Variants in PCDHGB1 observed in about 807,000 individuals in gnomAD.
The protein encoded by PCDHGB1 is protocadherin gamma subfamily B, 1, also known as protocadherin gamma-B1.
A neutral mutation model predicts 56.6 loss-of-function variants in PCDHGB1; 34 were observed. The observed-to-expected ratio is 0.60, with a 90% CI of 0.46 to 0.80. The LOEUF is 0.80. PCDHGB1 is among the 30% of genes least tolerant of loss of function. The pLI is 0.00. For synonymous variants in PCDHGB1, 561 were observed against 505.9 expected (o/e 1.11, Z -1.46); for missense variants, 1,278 against 1,204.6 (o/e 1.06, Z -0.90).
chr5:141,455,529 G>A (rs2098825323), intron 1 of PCDHGB1, among the ~76,000 whole-genome samples: 1 of 152,146 alleles, frequency 6.6e-6, no homozygotes, highest in Non-Finnish European at 1.5e-5. Flanking sequence ...GGTTTGACCA[G>A]GCATATCATT....
At chr5:141,392,877 A>G in intron 1 of PCDHGB1, 2 of 1,613,506 alleles carry the variant, frequency 1.2e-6, no homozygotes, top group Non-Finnish European at 1.7e-6. Context: ...GCTGCTGGGA[A>G]CGCTGTGGGA....
chr5:141,422,304 A>C (rs1265775894), intron 1 of PCDHGB1: 2 of 1,548,406 alleles, frequency 1.3e-6, no homozygotes. Context: ...CAATTCTGGA[A>C]AACTCTCCTC....
Position 141,351,793 on chromosome 5 carries a change from C to A in PCDHGB1, c.1533C>A (p.Phe511Leu), listed in dbSNP as rs773058323. ...TGAGCCCGCAGAGCGGGGTGGTGTT[C>A]GCGCAGCGCGCCTTCGACCACGAGC... ...VSVSPQSGVV[F>L]AQRAFDHEQL... Residue 511 changes from phenylalanine (F) to leucine (L), a missense_variant, in exon 1 of 4, where the codon TTC becomes TTA. Physicochemically the swap from Phe to Leu is conservative, Grantham distance 22 (BLOSUM62 0). Coordinates refer to ENST00000523390, the MANE Select transcript of PCDHGB1 (RefSeq NM_018922.3). 1.2e-6 allele frequency: 2 copies of A among 1,613,378 alleles called. No individual in the cohort carries two copies. The highest frequency in any genetic ancestry group is 1.7e-5 in the Admixed American group (1 of 60,026).
intron 1 of PCDHGB1, chr5:141,392,593 C>T (rs986653235): frequency 1.0e-5 from 5 of 494,076 alleles, no homozygotes; most frequent in Admixed American, 7.6e-5. Flanking sequence ...CCGCTGTTCA[C>T]CTACTGGAAG....
At chr5:141,411,319 C>T (rs532552346) in intron 1 of PCDHGB1, 1 of 152,262 alleles carries the variant, frequency 6.6e-6, no homozygotes, top group South Asian at 2.1e-4. Flanking sequence ...CCTATAATCA[C>T]AGCACTTTGA....
chr5:141,456,835 C>T (rs1261094365), intron 1 of PCDHGB1, among the ~76,000 whole-genome samples: 3 of 152,000 alleles, frequency 2.0e-5, no homozygotes, highest in African/African-American at 4.8e-5. Flanking sequence ...TGGTAGTGGG[C>T]GCCTGTAATC....
intron 1 of PCDHGB1, chr5:141,372,079 T>C: frequency 6.2e-7 from 1 of 1,613,698 alleles, no homozygotes; most frequent in East Asian, 2.2e-5. Flanking sequence ...GCACCGCTGG[T>C]GCTGTACCCA....
At chr5:141,371,184 G>C in intron 1 of PCDHGB1, 1 of 1,614,032 alleles carries the variant, frequency 6.2e-7, no homozygotes, top group Non-Finnish European at 8.5e-7. Context: ...CGTATTAAAA[G>C]TGATGGCCAT....
intron 1 of PCDHGB1, chr5:141,376,308 G>T (rs766557828): frequency 6.2e-7 from 1 of 1,614,208 alleles, no homozygotes; most frequent in South Asian, 1.1e-5. Context: ...CACTTTGTGG[G>T]CGTGGAAGGG....
At chr5:141,500,723 G>A (rs6875791) in intron 2 of PCDHGB1, among the ~76,000 whole-genome samples, 4,890 of 152,100 alleles carry the variant, frequency 0.032, 255 homozygotes, top group African/African-American at 0.11. Flanking sequence ...ATTTCCCCAT[G>A]TCTTTCAAAA....
chr5:141,384,283 G>A (rs762515266), intron 1 of PCDHGB1: 1 of 1,613,762 alleles, frequency 6.2e-7, no homozygotes. Context: ...AGTCTACATC[G>A]CTGAGAACAA....
intron 1 of PCDHGB1, chr5:141,408,940 A>G: frequency 1.2e-6 from 2 of 1,613,658 alleles, no homozygotes; most frequent in Non-Finnish European, 1.7e-6. Context: ...GCAGAGACGA[A>G]TATAGAATTA....
chr5:141,353,671 A>T (rs1759350441), intron 1 of PCDHGB1, among the ~76,000 whole-genome samples: 1 of 152,202 alleles, frequency 6.6e-6, no homozygotes, highest in African/African-American at 2.4e-5. Flanking sequence ...TGTAATGAAC[A>T]TTTGGGTTTA....
At chr5:141,383,101 T>C (rs1561594429) in intron 1 of PCDHGB1, 2 of 1,613,954 alleles carry the variant, frequency 1.2e-6, no homozygotes, top group Non-Finnish European at 8.5e-7. Flanking sequence ...CCGCATCATC[T>C]CCAGAGGTAG....
At chr5:141,430,595 G>T (rs549786394) in intron 1 of PCDHGB1, 3 of 567,018 alleles carry the variant, frequency 5.3e-6, no homozygotes, top group African/African-American at 1.9e-5. Context: ...CCTTGCACGC[G>T]CCTGAAGCAC....
intron 1 of PCDHGB1, among the ~76,000 whole-genome samples, chr5:141,401,889 T>G (rs1259815955): frequency 3.3e-5 from 5 of 152,232 alleles, no homozygotes; most frequent in Non-Finnish European, 7.3e-5. Context: ...TATTTTGTGT[T>G]CTTTTTCCCA....
intron 1 of PCDHGB1, among the ~76,000 whole-genome samples, chr5:141,472,102 T>C (rs1231168102): frequency 6.6e-6 from 1 of 152,240 alleles, no homozygotes; most frequent in Non-Finnish European, 1.5e-5. Flanking sequence ...ATTCCCATTT[T>C]ATACATAAAG....
At chr5:141,504,378 C>T (rs2099837786) in intron 2 of PCDHGB1, among the ~76,000 whole-genome samples, 1 of 152,052 alleles carries the variant, frequency 6.6e-6, no homozygotes, top group Non-Finnish European at 1.5e-5. Flanking sequence ...CAGGTGGAGT[C>T]GCTGCCTCAC....
intron 1 of PCDHGB1, chr5:141,399,976 CTGCGCACAGGAGAGG>C: frequency 1.2e-6 from 2 of 1,612,242 alleles, no homozygotes; most frequent in Non-Finnish European, 8.5e-7. Context: ...CAGCCTGGGG[CTGCGCACAGGAGAGG>C]TGCGCACAGC....
Sources: gnomAD v4.1 joint callset for allele counts (sites outside exome capture counted in the v4.1 genomes callset) on GRCh38, gnomAD v4.1.1 for gene constraint, MANE v1.5 for transcripts, NCBI Gene and HGNC (gene_info 2026-07-23, HGNC 2026-07-21) for gene names.